The following DEPDC5 variants were observed in gnomAD, a reference collection of about 807,000 sequenced individuals.
The protein encoded by DEPDC5 is DEP domain containing 5, GATOR1 subcomplex subunit.
DEPDC5 carries 73 observed loss-of-function variants against 217.3 expected under a neutral mutation model. The observed-to-expected ratio is 0.34, with a 90% CI of 0.28 to 0.41. The LOEUF (loss-of-function observed/expected upper bound fraction) is 0.41. DEPDC5 is among the 10% of genes least tolerant of loss of function. DEPDC5 has a pLI of 1.00. For missense variants in DEPDC5, 1,675 were observed against 2,070.1 expected, an observed-to-expected ratio of 0.81 and a Z score of 3.70; for synonymous variants, 733 against 756.7, an observed-to-expected ratio of 0.97 and a Z score of 0.51.
At position 31,887,328 on chromosome 22, in the gene DEPDC5, A is replaced by C. The variant is rs1234722880; in HGVS notation, c.4034-6254A>C. 2.8e-5 allele frequency among the ~76,000 whole-genome samples: 4 copies of C among 145,148 alleles called. No homozygotes were observed. In the East Asian group the frequency reaches 8.6e-4, roughly 31 times the overall value. ...CCAGCTGCTCGGGAGCTGAAGCAGG[A>C]GAATTGCTTGAACCCAGGAGGCAGA... On this transcript the variant is annotated intron_variant, in intron 38 of 42. Transcript: ENST00000651528.
chr22:31,836,816 C>T (rs1427845916), intron 25 of DEPDC5, 156 bp from the exon 26 acceptor site: 2 of 646,306 alleles, frequency 3.1e-6, no homozygotes, highest in Admixed American at 2.9e-5. Context: ...TCTCTTTCTC[C>T]CTCCCCTACC....
At chr22:31,821,382 T>G (rs1324203238) in intron 22 of DEPDC5, 120 bp from the exon 23 acceptor site, 1 of 1,386,888 alleles carries the variant, frequency 7.2e-7, no homozygotes, top group Admixed American at 1.8e-5. Context: ...TGTGGTGTGT[T>G]CTTCTTTCAA....
At chr22:31,889,808 G>T (rs1033991371) in intron 38 of DEPDC5, among the ~76,000 whole-genome samples, 2 of 152,144 alleles carry the variant, frequency 1.3e-5, no homozygotes, top group African/African-American at 4.8e-5. Context: ...AAAGTGTTGG[G>T]ATTACAGGTG....
intron 31 of DEPDC5, among the ~76,000 whole-genome samples, chr22:31,856,479 C>G (rs917704759): frequency 6.6e-6 from 1 of 152,020 alleles, no homozygotes; most frequent in African/African-American, 2.4e-5. Flanking sequence ...AACAATAAAA[C>G]AGTGATATAT....
Position 31,845,100 on chromosome 22 carries a change from G to T in DEPDC5, c.2884G>T (p.Gly962Trp), listed in dbSNP as rs756338392. The T allele has an allele frequency of 2.5e-6, 4 of 1,614,062 alleles. No individual in the cohort carries two copies. The African/African-American group carries it at 5.3e-5, about 22-fold the overall frequency. ...CACCGCCACCAAGCGCATCACGGAG[G>T]GGGAGGCCCACTGCGACATCTATGG... is the stretch of plus-strand genomic sequence containing the variant. ...CVTATKRITE[G>W]EAHCDIYGDR... Residue 962 changes from glycine to tryptophan, a missense_variant, in exon 30 of 43, where the codon GGG becomes TGG. Gly to Trp is a radical substitution (Grantham distance 184, BLOSUM62 -2). Transcript: ENST00000651528.
intron 25 of DEPDC5, 25 bp from the exon 26 acceptor site, chr22:31,836,947 C>T (rs987891969): frequency 1.1e-5 from 17 of 1,608,254 alleles, no homozygotes; most frequent in African/African-American, 1.3e-5. Flanking sequence ...CCACATGTAC[C>T]TTTTCCCCCT....
chr22:31,903,787 TC>T (rs2093707470), intron 41 of DEPDC5, among the ~76,000 whole-genome samples: 1 of 150,024 alleles, frequency 6.7e-6, no homozygotes, highest in Non-Finnish European at 1.5e-5. Context: ...CTCCAGGGAT[TC>T]CCAAATGTTT....
chr22:31,802,322 G>GT (rs2086961287), intron 14 of DEPDC5, among the ~76,000 whole-genome samples: 1 of 151,822 alleles, frequency 6.6e-6, no homozygotes, highest in African/African-American at 2.4e-5. Context: ...TAGAGATGGA[G>GT]TTTCACCATG....
At position 31,777,975 on chromosome 22, in the gene DEPDC5, T is replaced by C. The variant is rs147359139; in HGVS notation, c.414-124T>C. The C allele has an allele frequency of 8.9e-5, 92 of 1,029,750 alleles. 2 individuals are homozygous for C. The African/African-American group carries it at 1.1e-3, about 12-fold the overall frequency. The allele number at this position is 1,029,750 out of a possible 1,614,324, so 63.8% of individuals were successfully genotyped here. A position where few individuals can be genotyped will look rare whatever the true frequency, so the allele number is the denominator to read the frequency against. ...GTTGTCCAGGCTGGTCTCGAAGTCCTGACCTCAGGTAATTCGCCCGCCTTG... is the reference window on the plus strand; with the variant it reads ...GTTGTCCAGGCTGGTCTCGAAGTCCCGACCTCAGGTAATTCGCCCGCCTTG... On this transcript the variant is annotated intron_variant, in intron 7 of 42. Coordinates refer to ENST00000651528, the MANE Select transcript of DEPDC5 (RefSeq NM_001242896.3).
chr22:31,865,037 G>C (rs902808384), intron 33 of DEPDC5, among the ~76,000 whole-genome samples: 1 of 141,436 alleles, frequency 7.1e-6, no homozygotes, highest in East Asian at 1.9e-4. Flanking sequence ...TGTTGGCCAC[G>C]CTGGTCTCGA....
intron 8 of DEPDC5, among the ~76,000 whole-genome samples, chr22:31,781,176 A>T (rs1039982005): frequency 6.6e-6 from 1 of 151,312 alleles, no homozygotes; most frequent in East Asian, 1.9e-4. Flanking sequence ...AGATCGCGCC[A>T]TTGCACTCCA....
At position 31,804,924 on chromosome 22, in the gene DEPDC5, G is replaced by A. The variant is rs1243625701; in HGVS notation, c.1217+9G>A. ...CACTGGATAAACCACAGGTGGGTGC[G>A]ATCTCGATCAATAGTAGGTGATAAG... On this transcript the variant is annotated intron_variant, in intron 17 of 42. Transcript: ENST00000651528. 7.4e-6 allele frequency: 12 copies of A among 1,611,216 alleles called. No individual in the cohort carries two copies. The highest frequency in any genetic ancestry group is 2.2e-5 in the East Asian group (1 of 44,832).
At chr22:31,792,605 CAAAAAAAAAAAAAA>C (rs61603320) in intron 11 of DEPDC5, 126 bp from the exon 12 acceptor site, 8 of 154,156 alleles carry the variant, frequency 5.2e-5, no homozygotes, top group Non-Finnish European at 7.4e-5. Context: ...GACCTTGTCT[CAAAAAAAAAAAAAA>C]AAAAAAAAAA....
rs147652195 is a variant in DEPDC5, at chr22:31,876,727, T to C, written c.3805+462T>C. On this transcript the variant is annotated intron_variant, in intron 37 of 42. Coordinates refer to ENST00000651528, the MANE Select transcript of DEPDC5 (RefSeq NM_001242896.3). Reference sequence around the variant, plus strand: ...GTCCTAGCAAGTTTTCCAAGTAATATTTTAAGTATCTGTGGGGTTTTTTTT... The same window carrying C: ...GTCCTAGCAAGTTTTCCAAGTAATACTTTAAGTATCTGTGGGGTTTTTTTT... Among the ~76,000 whole-genome samples the C allele has an allele frequency of 3.9e-5, 6 of 152,356 alleles. No homozygotes were observed. The East Asian group carries it at 9.6e-4, about 24-fold the overall frequency.
rs1421272676 is a variant in DEPDC5, at chr22:31,812,625, C to T, written c.1445+1984C>T. Among the ~76,000 whole-genome samples, 6 of 145,700 alleles carry T rather than the reference C, an allele frequency of 4.1e-5. 1 individual carries two copies. The highest frequency in any genetic ancestry group is 7.4e-5 in the African/African-American group (3 of 40,374). On this transcript the variant is annotated intron_variant, in intron 20 of 42. Coordinates refer to ENST00000651528, the MANE Select transcript of DEPDC5 (RefSeq NM_001242896.3). ...ATTTTTAGTAGAGACGGGGTTTCAC[C>T]GTGTTAGCCAGGATGGTCTCGATCT...
chr22:31,906,095 G>C lies in DEPDC5; in HGVS notation c.4519+29G>C. 6.2e-7 allele frequency: 1 copy of C among 1,613,798 alleles called. No individual in the cohort carries two copies. Among genetic ancestry groups the C allele is most frequent in the Non-Finnish European group, 8.5e-7 (1 of 1,179,818 alleles). On this transcript the variant is annotated intron_variant, in intron 42 of 42. Transcript: ENST00000651528. This position sits in a 1 kb window ranked among gnomAD's most constrained non-coding sequence, Gnocchi z 5.1. Reference sequence around the variant, plus strand: ...AGGAGCTACGGGCAGAGTTGGGCAGGTGGGTCCACATCCCTTTCCTTGCAC... The same window carrying C: ...AGGAGCTACGGGCAGAGTTGGGCAGCTGGGTCCACATCCCTTTCCTTGCAC...
At chr22:31,756,055 T>A (rs887531640) in intron 2 of DEPDC5, among the ~76,000 whole-genome samples, 11 of 150,638 alleles carry the variant, frequency 7.3e-5, no homozygotes, top group Admixed American at 6.6e-5. Flanking sequence ...TTTTTTTTTT[T>A]TTGTATTTTA....
intron 38 of DEPDC5, among the ~76,000 whole-genome samples, chr22:31,888,240 GTTTTTTTTTTTTT>G (rs71184531): frequency 1.5e-5 from 1 of 66,352 alleles, no homozygotes; most frequent in Non-Finnish European, 2.6e-5. Flanking sequence ...TTTGTCTGTG[GTTTTTTTTTTTTT>G]TTTTTTTTTT....
intron 10 of DEPDC5, among the ~76,000 whole-genome samples, chr22:31,788,202 A>G (rs2085215281): frequency 6.6e-6 from 1 of 151,836 alleles, no homozygotes; most frequent in South Asian, 2.1e-4. Flanking sequence ...ATCATTAGTC[A>G]TTAGGAAAAT....
Sources: allele counts gnomAD v4.1 joint callset (sites outside exome capture counted in the v4.1 genomes callset), GRCh38; gene constraint gnomAD v4.1.1; non-coding constraint Gnocchi (gnomAD v3.1); transcripts MANE v1.5; gene names NCBI Gene and HGNC (gene_info 2026-07-23, HGNC 2026-07-21).